Variants in RBM15B observed in about 807,000 individuals in gnomAD.
RBM15B encodes RNA binding motif protein 15B.
A neutral mutation model predicts 53.3 loss-of-function variants in RBM15B; 11 were observed. The observed-to-expected ratio is 0.21, with a 90% CI of 0.13 to 0.34. The LOEUF (loss-of-function observed/expected upper bound fraction) is 0.34, where lower values mean the gene tolerates loss of function less well. RBM15B is among the 10% of genes least tolerant of loss of function. RBM15B has a pLI of 1.00. For synonymous variants in RBM15B, 631 were observed against 540.7 expected (o/e 1.17, Z -2.32); for missense variants, 1,136 against 1,250.3 (o/e 0.91, Z 1.38).
At position 51,397,221 on chromosome 3, in the gene RBM15B, G is replaced by A. The variant is rs2089257455; in HGVS notation, c.*3149G>A. ...AAATCAAAGGAAGAAAGAGACTATG[G>A]TCTTCTATTTATTGTGGGAAGGAAA... On this transcript the variant is annotated 3_prime_UTR_variant, in exon 1 of 1. Coordinates refer to ENST00000563281, the MANE Select transcript of RBM15B (RefSeq NM_013286.5). 6.0e-6 allele frequency: 1 copy of A among 167,126 alleles called. No individual in the cohort carries two copies. The highest frequency in any genetic ancestry group is 2.1e-4 in the South Asian group (1 of 4,832). 10.4% of individuals were successfully genotyped at this position (167,126 alleles called of 1,614,324 possible).
Position 51,397,571 on chromosome 3 carries a change from A to C in RBM15B, c.*3499A>C, listed in dbSNP as rs1274875912. ...TACTTGGGAGCAGCCTGCTGGATCC[A>C]GAACATGACAACAGAGAGCTGCGTC... is the stretch of plus-strand genomic sequence containing the variant. On this transcript the variant is annotated 3_prime_UTR_variant, in exon 1 of 1. Coordinates refer to ENST00000563281, the MANE Select transcript of RBM15B (RefSeq NM_013286.5). 4 of 167,140 alleles carry C rather than the reference A, an allele frequency of 2.4e-5. No individual in the cohort carries two copies. Among genetic ancestry groups the C allele is most frequent in the Non-Finnish European group, 5.9e-5 (4 of 68,146 alleles). 10.4% of individuals were successfully genotyped at this position (167,140 alleles called of 1,614,324 possible).
In RBM15B at chr3:51,395,490, A is replaced by C. The variant is rs1177546823; in HGVS notation, c.*1418A>C. ...GGGCCAGGGAGGAAAACCAGAGCAC[A>C]CAGTTTTGTCACCATGGAACACCCC... On this transcript the variant is annotated 3_prime_UTR_variant, in exon 1 of 1. Coordinates refer to ENST00000563281, the MANE Select transcript of RBM15B (RefSeq NM_013286.5). The C allele has an allele frequency of 3.7e-6, 1 of 270,968 alleles. No homozygotes were observed. The highest frequency in any genetic ancestry group is 2.2e-5 in the African/African-American group (1 of 45,440). 16.8% of individuals were successfully genotyped at this position (270,968 alleles called of 1,614,324 possible).
chr3:51,394,423 A>AATC lies in RBM15B; in HGVS notation c.*353_*355dup. 1 of 195,252 alleles carries AATC rather than the reference A, an allele frequency of 5.1e-6. No individual in the cohort carries two copies. Among genetic ancestry groups the AATC allele is most frequent in the East Asian group, 1.4e-4 (1 of 7,138 alleles). 12.1% of individuals were successfully genotyped at this position (195,252 alleles called of 1,614,324 possible). On this transcript the variant is annotated 3_prime_UTR_variant, in exon 1 of 1. Transcript: ENST00000563281. Reference sequence around the variant, plus strand: ...ACCTGTTCAGAGTCCTGGTTTAATCAATCAAGCTAAAAGAATCGAAGACAT... The same window carrying AATC: ...ACCTGTTCAGAGTCCTGGTTTAATCAATCATCAAGCTAAAAGAATCGAAGACAT...
rs2089214795 is a variant in RBM15B at position 51,396,507 on chromosome 3, C to T, written c.*2435C>T. The T allele has an allele frequency of 6.0e-6, 1 of 167,146 alleles. No individual in the cohort carries two copies. The highest frequency in any genetic ancestry group is 2.1e-4 in the South Asian group (1 of 4,834). The allele number at this position is 167,146 out of a possible 1,614,324, so 10.4% of individuals were successfully genotyped here. A position where few individuals can be genotyped will look rare whatever the true frequency, so the allele number is the denominator to read the frequency against. ...GAGACTGCCCCACTGAGAAAACTTA[C>T]TTACTTCAGGCATCCAGTGCCCCCA... On this transcript the variant is annotated 3_prime_UTR_variant, in exon 1 of 1. Coordinates refer to ENST00000563281, the MANE Select transcript of RBM15B (RefSeq NM_013286.5).
rs782549474 is a variant in RBM15B at position 51,393,473 on chromosome 3, G to A, written c.2074G>A (p.Glu692Lys). ...CAGCGAGCGCAATCACCGGACCACAGAGGCCGAGCCCAAGCCTCTGGAAGA... is the reference window on the plus strand; with the variant it reads ...CAGCGAGCGCAATCACCGGACCACAAAGGCCGAGCCCAAGCCTCTGGAAGA... ...RDSERNHRTT[E>K]AEPKPLEEPK... Residue 692 changes from glutamate (E) to lysine (K), a missense_variant, in exon 1 of 1, where the codon GAG becomes AAG. Glu to Lys is a moderately conservative substitution (Grantham distance 56, BLOSUM62 1). Around this residue, in one of 7 missense-constraint regions of RBM15B, gnomAD observed 578 missense variants for 581.6 expected, o/e 0.99. Transcript: ENST00000563281. The surrounding 1 kb of genome is among the most constrained non-coding windows in gnomAD (Gnocchi z 5.6). 5.0e-6 allele frequency: 8 copies of A among 1,613,848 alleles called. No individual in the cohort carries two copies. The highest frequency in any genetic ancestry group is 6.8e-6 in the Non-Finnish European group (8 of 1,179,980).
In RBM15B at chr3:51,396,032, G is replaced by C. The variant is rs551227918; in HGVS notation, c.*1960G>C. ...AGGAGTGGGTCTTGTCCTGTTGCAG[G>C]CACACTGCAGTGGTTTTCCTGCAGC... On this transcript the variant is annotated 3_prime_UTR_variant, in exon 1 of 1. Transcript: ENST00000563281. 2.4e-6 allele frequency: 1 copy of C among 412,056 alleles called. No individual in the cohort carries two copies. The highest frequency in any genetic ancestry group is 1.4e-4 in the South Asian group (1 of 7,230). The allele number at this position is 412,056 out of a possible 1,614,324, so 25.5% of individuals were successfully genotyped here. A position where few individuals can be genotyped will look rare whatever the true frequency, so the allele number is the denominator to read the frequency against.
At position 51,392,215 on chromosome 3, in the gene RBM15B, G is replaced by A. The variant is rs931810354; in HGVS notation, c.816G>A (p.Pro272=). 3.9e-6 allele frequency: 6 copies of A among 1,553,246 alleles called. No individual in the cohort carries two copies. The East Asian group carries it at 1.4e-4, about 37-fold the overall frequency. Residue 272 remains proline, a synonymous_variant, in exon 1 of 1, where the codon CCG becomes CCA. Coordinates refer to ENST00000563281, the MANE Select transcript of RBM15B (RefSeq NM_013286.5). The surrounding 1 kb of genome is among the most constrained non-coding windows in gnomAD (Gnocchi z 7.5). ...GCTCGCTGTCCCCCGTCGCTGCCCC[G>A]CCCCTGCGGGAGCCCCGTGCCCGTC... is the stretch of plus-strand genomic sequence containing the variant. ...KQRSLSPVAA[P]PLREPRARHA...
chr3:51,392,539 C>T lies in RBM15B; in HGVS notation c.1140C>T (p.Ala380=), dbSNP rs1553621781. 3 of 1,613,922 alleles carry T rather than the reference C, an allele frequency of 1.9e-6. No homozygotes were observed. Among genetic ancestry groups the T allele is most frequent in the South Asian group, 2.2e-5 (2 of 91,084 alleles). ...CCCGTGGCCAGGGCGGTGCCTATGC[C>T]TTCCTCAAGTTCCAGAACCTGGACA... is the stretch of plus-strand genomic sequence containing the variant. The part of the protein sequence containing the change: ...RPARGQGGAY[A]FLKFQNLDMA... The change falls in exon 1 of 1, where the codon GCC becomes GCT. Residue 380 remains alanine (A), a synonymous_variant. Coordinates refer to ENST00000563281, the MANE Select transcript of RBM15B (RefSeq NM_013286.5). This position sits in a 1 kb window ranked among gnomAD's most constrained non-coding sequence, Gnocchi z 7.5.
rs1188774457 is a variant in RBM15B at position 51,397,032 on chromosome 3, T to G, written c.*2960T>G. 1 of 167,054 alleles carries G rather than the reference T, an allele frequency of 6.0e-6. No homozygotes were observed. The highest frequency in any genetic ancestry group is 1.5e-5 in the Non-Finnish European group (1 of 68,114). 10.3% of individuals were successfully genotyped at this position (167,054 alleles called of 1,614,324 possible). A position where few individuals can be genotyped will look rare whatever the true frequency, so the allele number is the denominator to read the frequency against. ...TGTGTACAGCAAATTCTATAGTGCT[T>G]CTGAGCCCAGCAGGGCTTTACCTGC... On this transcript the variant is annotated 3_prime_UTR_variant, in exon 1 of 1. Coordinates refer to ENST00000563281, the MANE Select transcript of RBM15B (RefSeq NM_013286.5).
In RBM15B at chr3:51,392,080, G is replaced by A. The variant is rs782363361; in HGVS notation, c.681G>A (p.Arg227=). 1.9e-6 allele frequency: 3 copies of A among 1,562,252 alleles called. No individual in the cohort carries two copies. The highest frequency in any genetic ancestry group is 1.9e-5 in the Admixed American group (1 of 53,284). Reference sequence around the variant, plus strand: ...TGCGTGGCGGCGGCGGGAGCAGTCGGCGAAGTAGCAGCAGCAGCGCCGCCG... The same window carrying A: ...TGCGTGGCGGCGGCGGGAGCAGTCGACGAAGTAGCAGCAGCAGCGCCGCCG... The part of the protein sequence containing the change: ...VYLRGGGGSS[R]RSSSSSAAAS... Residue 227 remains arginine, a synonymous_variant, in exon 1 of 1, where the codon CGG becomes CGA. Coordinates refer to ENST00000563281, the MANE Select transcript of RBM15B (RefSeq NM_013286.5). The surrounding 1 kb of genome is among the most constrained non-coding windows in gnomAD (Gnocchi z 7.5).
Position 51,394,296 on chromosome 3 carries a change from A to C in RBM15B, c.*224A>C, listed in dbSNP as rs2089099350. 3.8e-6 allele frequency: 2 copies of C among 526,172 alleles called. No homozygotes were observed. The allele number at this position is 526,172 out of a possible 1,614,324, so 32.6% of individuals were successfully genotyped here. ...AGGGAATCCGGTTATGTTGATTTCT[A>C]GTGTACAAGATACTGTCTGCTGTGG... On this transcript the variant is annotated 3_prime_UTR_variant, in exon 1 of 1. Coordinates refer to ENST00000563281, the MANE Select transcript of RBM15B (RefSeq NM_013286.5).
At position 51,395,708 on chromosome 3, in the gene RBM15B, A is replaced by G; in HGVS notation, c.*1636A>G. ...GAGCTAGGATAAGGTAGCATGAGTGACACCTGAGATTAGAGGCTGGGGCTC... is the reference window on the plus strand; with the variant it reads ...GAGCTAGGATAAGGTAGCATGAGTGGCACCTGAGATTAGAGGCTGGGGCTC... On this transcript the variant is annotated 3_prime_UTR_variant, in exon 1 of 1. Coordinates refer to ENST00000563281, the MANE Select transcript of RBM15B (RefSeq NM_013286.5). 2.4e-6 allele frequency: 1 copy of G among 412,472 alleles called. No individual in the cohort carries two copies. 25.6% of individuals were successfully genotyped at this position (412,472 alleles called of 1,614,324 possible).
chr3:51,395,066 G>A lies in RBM15B; in HGVS notation c.*994G>A, dbSNP rs1197478608. 2 of 167,212 alleles carry A rather than the reference G, an allele frequency of 1.2e-5. No individual in the cohort carries two copies. Among genetic ancestry groups the A allele is most frequent in the Admixed American group, 6.5e-5 (1 of 15,276 alleles). The allele number at this position is 167,212 out of a possible 1,614,324, so 10.4% of individuals were successfully genotyped here. Reference sequence around the variant, plus strand: ...TTTTTGGCTTTCTCTGGTCGTTCAGGGGTGATGGGTAATAGAGCAGGCCCG... The same window carrying A: ...TTTTTGGCTTTCTCTGGTCGTTCAGAGGTGATGGGTAATAGAGCAGGCCCG... On this transcript the variant is annotated 3_prime_UTR_variant, in exon 1 of 1. Coordinates refer to ENST00000563281, the MANE Select transcript of RBM15B (RefSeq NM_013286.5).
chr3:51,393,117 G>A lies in RBM15B; in HGVS notation c.1718G>A (p.Arg573Gln), dbSNP rs2089067345. Residue 573 changes from arginine to glutamine, a missense_variant, in exon 1 of 1, where the codon CGG becomes CAG. Coordinates refer to ENST00000563281, the MANE Select transcript of RBM15B (RefSeq NM_013286.5). The surrounding 1 kb of genome is among the most constrained non-coding windows in gnomAD (Gnocchi z 5.6). The part of the protein sequence containing the change: ...LEGYSRSVRS[R>Q]SGERWGADGD... ...GGCTACAGTCGCTCAGTGCGCAGCC[G>A]GAGTGGTGAGCGTTGGGGGGCAGAT... The A allele has an allele frequency of 2.5e-6, 4 of 1,613,942 alleles. No homozygotes were observed. The highest frequency in any genetic ancestry group is 2.7e-5 in the African/African-American group (2 of 74,930).
In RBM15B at chr3:51,395,895, C is replaced by CTGT. The variant is rs560627077; in HGVS notation, c.*1825_*1827dup. The CTGT allele has an allele frequency of 5.0e-4, 208 of 413,498 alleles. No homozygotes were observed. The highest frequency in any genetic ancestry group is 4.1e-3 in the African/African-American group (200 of 48,746). 25.6% of individuals were successfully genotyped at this position (413,498 alleles called of 1,614,324 possible). ...ATGTTAAGCATGTTTATTTATTTGC[C>CTGT]TGTTTTTGTTTTTTTACTTGAGCTG... On this transcript the variant is annotated 3_prime_UTR_variant, in exon 1 of 1. Coordinates refer to ENST00000563281, the MANE Select transcript of RBM15B (RefSeq NM_013286.5).
rs1225742265 is a variant in RBM15B at position 51,394,552 on chromosome 3, T to TA, written c.*481dup. ...CTTCAGGCTCAGTCTGGACTCTACT[T>TA]ACACTCATTTTTATCTTGGCTGACA... is the stretch of plus-strand genomic sequence containing the variant. On this transcript the variant is annotated 3_prime_UTR_variant, in exon 1 of 1. Transcript: ENST00000563281. The TA allele has an allele frequency of 6.0e-6, 1 of 167,278 alleles. No individual in the cohort carries two copies. The highest frequency in any genetic ancestry group is 2.4e-5 in the African/African-American group (1 of 41,432). The allele number at this position is 167,278 out of a possible 1,614,324, so 10.4% of individuals were successfully genotyped here.
Position 51,394,051 on chromosome 3 carries a change from C to T in RBM15B, c.2652C>T (p.Val884=), listed in dbSNP as rs1204278329. The T allele has an allele frequency of 6.1e-6, 9 of 1,464,166 alleles. No individual in the cohort carries two copies. Among genetic ancestry groups the T allele is most frequent in the Admixed American group, 2.6e-5 (1 of 38,344 alleles). The allele number at this position is 1,464,166 out of a possible 1,614,324, so 90.7% of individuals were successfully genotyped here. A position where few individuals can be genotyped will look rare whatever the true frequency, so the allele number is the denominator to read the frequency against. Residue 884 remains valine, a synonymous_variant, in exon 1 of 1, where the codon GTC becomes GTT. Coordinates refer to ENST00000563281, the MANE Select transcript of RBM15B (RefSeq NM_013286.5). The part of the protein sequence containing the change: ...GKLEEEHMVI[V]IVRDTA ...TAGAAGAAGAACACATGGTGATAGT[C>T]ATCGTCAGAGACACTGCCTAGCCCA...
Position 51,392,201 on chromosome 3 carries a change from C to T in RBM15B, c.802C>T (p.Pro268Ser). 2.6e-6 allele frequency: 4 copies of T among 1,544,464 alleles called. No individual in the cohort carries two copies. The highest frequency in any genetic ancestry group is 3.5e-6 in the Non-Finnish European group (4 of 1,149,570). Reference protein sequence around the residue: ...GYQYKQRSLSPVAAPPLREPR... With the variant: ...GYQYKQRSLSSVAAPPLREPR... ...CCAGTACAAGCAGCGCTCGCTGTCC[C>T]CCGTCGCTGCCCCGCCCCTGCGGGA... Residue 268 changes from proline (P) to serine (S), a missense_variant, in exon 1 of 1, where the codon CCC becomes TCC. Physicochemically the swap from Pro to Ser is moderately conservative, Grantham distance 74 (BLOSUM62 -1). Coordinates refer to ENST00000563281, the MANE Select transcript of RBM15B (RefSeq NM_013286.5). This position sits in a 1 kb window ranked among gnomAD's most constrained non-coding sequence, Gnocchi z 7.5.
At position 51,397,182 on chromosome 3, in the gene RBM15B, C is replaced by CTGT. The variant is rs1419906452; in HGVS notation, c.*3112_*3114dup. On this transcript the variant is annotated 3_prime_UTR_variant, in exon 1 of 1. Coordinates refer to ENST00000563281, the MANE Select transcript of RBM15B (RefSeq NM_013286.5). ...AATACCTATGTAACAAACTGAGCAGCTGTTATTTGGGCAAAATCAAAGGAA... is the reference window on the plus strand; with the variant it reads ...AATACCTATGTAACAAACTGAGCAGCTGTTGTTATTTGGGCAAAATCAAAGGAA... 4.2e-5 allele frequency: 7 copies of CTGT among 167,040 alleles called. No individual in the cohort carries two copies. The highest frequency in any genetic ancestry group is 1.7e-4 in the African/African-American group (7 of 41,414). 10.3% of individuals were successfully genotyped at this position (167,040 alleles called of 1,614,324 possible).
Sources: gnomAD v4.1 joint callset for allele counts on GRCh38, gnomAD v4.1.1 for gene constraint, gnomAD v4.1.1 regional missense constraint, Gnocchi (gnomAD v3.1) non-coding constraint, MANE v1.5 for transcripts, NCBI Gene and HGNC (gene_info 2026-07-23, HGNC 2026-07-21) for gene names.